Variants in SLC35D1 observed in about 807,000 individuals in gnomAD.
SLC35D1 encodes the protein solute carrier family 35 member D1.
Under a neutral mutation model 46.7 loss-of-function variants are expected in SLC35D1, and 31 were observed. That is an observed-to-expected ratio of 0.66 (90% confidence interval 0.50 to 0.90). The LOEUF (loss-of-function observed/expected upper bound fraction) is 0.90. SLC35D1 is among the 40% of genes least tolerant of loss of function. The pLI is 0.00. For synonymous variants in SLC35D1, 195 were observed against 164.6 expected (o/e 1.18, Z -1.41); for missense variants, 397 against 426.2 (o/e 0.93, Z 0.60).
At chr1:67,043,863 T>C (rs1305421706) in intron 7 of SLC35D1, among the ~76,000 whole-genome samples, 1 of 152,152 alleles carries the variant, frequency 6.6e-6, no homozygotes, top group Admixed American at 6.5e-5. Flanking sequence ...AGCAGTCTCC[T>C]GAAAATGCAG....
At chr1:66,992,990 T>C in the SLC35D1 span, among the ~76,000 whole-genome samples, 6 of 152,278 alleles carry the variant, frequency 3.9e-5, no homozygotes, top group Non-Finnish European at 8.8e-5. Context: ...TGAGAAGTTG[T>C]AAGACTTGCT....
At chr1:67,022,423 G>A (rs559156596) in intron 8 of SLC35D1, among the ~76,000 whole-genome samples, 10 of 152,284 alleles carry the variant, frequency 6.6e-5, no homozygotes, top group African/African-American at 2.2e-4. Context: ...TTACTTGCAT[G>A]CCTTTGCCTG....
downstream of SLC35D1, among the ~76,000 whole-genome samples, chr1:66,996,950 T>G (rs1277972792): frequency 2.0e-5 from 3 of 152,174 alleles, no homozygotes; most frequent in South Asian, 6.2e-4. Context: ...TGCAAAAGAA[T>G]GAAGTTGGAC....
chr1:67,042,394 ATAC>A, intron 7 of SLC35D1, 66 bp from the exon 8 acceptor site: 1 of 1,284,720 alleles, frequency 7.8e-7, no homozygotes, highest in Non-Finnish European at 1.1e-6. Context: ...ACTGTACAAA[ATAC>A]CACTCAAACT....
chr1:67,022,257 T>C (rs1255538238), intron 8 of SLC35D1, among the ~76,000 whole-genome samples: 2 of 152,216 alleles, frequency 1.3e-5, no homozygotes, highest in African/African-American at 2.4e-5. Context: ...GTTTTTGCAA[T>C]AGGAGTTTGA....
At chr1:67,008,439 C>T in intron 11 of SLC35D1, 1 of 1,288,498 alleles carries the variant, frequency 7.8e-7, no homozygotes, top group Non-Finnish European at 1.0e-6. Context: ...ACCTCTGTGG[C>T]AGATACAGCT....
rs78730754 is a variant in SLC35D1 at position 67,034,689 on chromosome 1, T to C, written c.729+7547A>G. ...GATGCCCTTTCTTTCTCTTGTCTGA[T>C]TGATTTAGCTAGGACTTCCAGTATT... On this transcript the variant is annotated intron_variant, in intron 8 of 11. Coordinates refer to ENST00000235345, the MANE Select transcript of SLC35D1 (RefSeq NM_015139.3). Among the ~76,000 whole-genome samples the C allele has an allele frequency of 7.2e-3, 1,092 of 152,284 alleles. 16 individuals are homozygous for C. Among genetic ancestry groups the C allele is most frequent in the African/African-American group, 0.024 (1,002 of 41,564 alleles).
At chr1:67,040,567 T>G (rs1255511605) in intron 8 of SLC35D1, among the ~76,000 whole-genome samples, 1 of 152,214 alleles carries the variant, frequency 6.6e-6, no homozygotes, top group Non-Finnish European at 1.5e-5. Context: ...GAGTCTGGTC[T>G]TTGCAGGTAT....
At chr1:66,974,425 GT>G in the SLC35D1 span, among the ~76,000 whole-genome samples, 48 of 148,794 alleles carry the variant, frequency 3.2e-4, no homozygotes, top group East Asian at 7.1e-3. Flanking sequence ...TTTGGATGAG[GT>G]TTTTTTTTTG....
intron 8 of SLC35D1, chr1:67,031,935 A>AG: frequency 4.0e-6 from 2 of 497,424 alleles, no homozygotes; most frequent in Non-Finnish European, 5.2e-6. Context: ...TTTGTTAATC[A>AG]GGAAAAAAAC....
chr1:67,019,534 A>C (rs886317261), intron 10 of SLC35D1, among the ~76,000 whole-genome samples: 4 of 152,220 alleles, frequency 2.6e-5, no homozygotes, highest in African/African-American at 7.2e-5. Flanking sequence ...CACTCTATTG[A>C]GACTACAAAG....
chr1:67,052,962 A>G lies in SLC35D1; in HGVS notation c.231T>C (p.Leu77=), dbSNP rs1645326357. ...YRFPSSLCVG[L]GQMVATVAVL... is the part of the protein sequence containing the mutation. ...GGTGAGGATTCCAACTAACCTGGCC[A>G]AGTCCAACACATAGTGAGGAGGGAA... The change falls in exon 2 of 12, where the codon CTT becomes CTC. Residue 77 remains leucine (L), a synonymous_variant. Coordinates refer to ENST00000235345, the MANE Select transcript of SLC35D1 (RefSeq NM_015139.3). 6.2e-7 allele frequency: 1 copy of G among 1,614,144 alleles called. No homozygotes were observed. Among genetic ancestry groups the G allele is most frequent in the Non-Finnish European group, 8.5e-7 (1 of 1,180,044 alleles).
chr1:67,039,882 G>C (rs1392896885), intron 8 of SLC35D1, among the ~76,000 whole-genome samples: 2 of 152,168 alleles, frequency 1.3e-5, no homozygotes, highest in South Asian at 2.1e-4. Context: ...CTAGGTGGGA[G>C]AGCAGAAGGG....
intron 10 of SLC35D1, among the ~76,000 whole-genome samples, chr1:67,018,246 T>C (rs1667725555): frequency 6.6e-6 from 1 of 152,142 alleles, no homozygotes; most frequent in Non-Finnish European, 1.5e-5. Flanking sequence ...TTAAGTATCA[T>C]GTAACAACAA....
chr1:66,986,339 C>G, the SLC35D1 span: 2 of 1,574,614 alleles, frequency 1.3e-6, no homozygotes, highest in Non-Finnish European at 1.7e-6. Flanking sequence ...TTTTATATAG[C>G]TGATAGACCA....
chr1:66,985,773 T>C, the SLC35D1 span: 1 of 948,460 alleles, frequency 1.1e-6, no homozygotes, highest in African/African-American at 1.8e-5. Flanking sequence ...TAAGTCATAT[T>C]TCTTATCCAG....
chr1:67,029,038 C>T (rs111750462), intron 8 of SLC35D1, among the ~76,000 whole-genome samples: 13 of 152,092 alleles, frequency 8.5e-5, no homozygotes, highest in African/African-American at 2.4e-4. Context: ...AAACCCTGTC[C>T]GTGTTATTCC....
intron 8 of SLC35D1, among the ~76,000 whole-genome samples, chr1:67,040,543 C>T (rs1668221029): frequency 6.6e-6 from 1 of 152,196 alleles, no homozygotes; most frequent in Non-Finnish European, 1.5e-5. Flanking sequence ...TTGACTTCTA[C>T]CTTCTAATTT....
At chr1:66,986,271 A>AT in the SLC35D1 span, 1 of 1,437,110 alleles carries the variant, frequency 7.0e-7, no homozygotes, top group Non-Finnish European at 9.1e-7. Flanking sequence ...ATCCATCTGC[A>AT]TAGCCTTGTA....
Sources: gnomAD v4.1 joint callset for allele counts (sites outside exome capture counted in the v4.1 genomes callset) on GRCh38, gnomAD v4.1.1 for gene constraint, MANE v1.5 for transcripts, NCBI Gene and HGNC (gene_info 2026-07-23, HGNC 2026-07-21) for gene names.